BATF: variants seen among roughly 807,000 people sequenced by gnomAD.
BATF encodes basic leucine zipper ATF-like transcription factor, also known as basic leucine zipper transcriptional factor ATF-like.
In BATF, 5 loss-of-function variants were observed where a neutral mutation model predicts 13.7. That is an observed-to-expected ratio of 0.36 (90% CI 0.19 to 0.77). BATF has a LOEUF of 0.77. BATF is among the 30% of genes least tolerant of loss of function. The pLI is 0.51. For missense variants in BATF, 124 were observed against 163.0 expected (o/e 0.76, Z 1.30); for synonymous variants, 72 against 67.5 (o/e 1.07, Z -0.33).
At chr14:75,522,817 G>T in intron 1 of BATF, 72 bp downstream of exon 1, 1 of 1,588,110 alleles carries the variant, frequency 6.3e-7, no homozygotes, top group South Asian at 1.1e-5. Flanking sequence ...AGGCTTCCTT[G>T]TCCTGCCCAG....
chr14:75,526,132 GT>G (rs1389875608), intron 2 of BATF, among the ~76,000 whole-genome samples: 1 of 152,228 alleles, frequency 6.6e-6, no homozygotes, highest in Non-Finnish European at 1.5e-5. Context: ...CTGAACTGCA[GT>G]TCCGCCAGTG....
intron 2 of BATF, among the ~76,000 whole-genome samples, chr14:75,536,983 C>T (rs1055099952): frequency 6.6e-6 from 1 of 152,082 alleles, no homozygotes; most frequent in Non-Finnish European, 1.5e-5. Flanking sequence ...TTAATGCAGA[C>T]AGCCTGCCCT....
At chr14:75,524,456 T>C (rs1416764097) in intron 1 of BATF, among the ~76,000 whole-genome samples, 2 of 151,662 alleles carry the variant, frequency 1.3e-5, no homozygotes, top group African/African-American at 4.8e-5. Context: ...GGGTGCAGAG[T>C]AGCTAGCGGG....
At chr14:75,543,918 G>A (rs1887942558) in intron 2 of BATF, among the ~76,000 whole-genome samples, 1 of 151,984 alleles carries the variant, frequency 6.6e-6, no homozygotes, top group African/African-American at 2.4e-5. Flanking sequence ...ATAGGTGTGA[G>A]CCACTGCACC....
At chr14:75,532,062 A>G (rs1047138774) in intron 2 of BATF, among the ~76,000 whole-genome samples, 10 of 152,230 alleles carry the variant, frequency 6.6e-5, no homozygotes, top group Non-Finnish European at 1.3e-4. Flanking sequence ...CTGTGCCTCA[A>G]GTGCTCTCCC....
chr14:75,533,110 G>T (rs1318393978), intron 2 of BATF, among the ~76,000 whole-genome samples: 1 of 152,096 alleles, frequency 6.6e-6, no homozygotes, highest in Non-Finnish European at 1.5e-5. Flanking sequence ...GGGTCGGCAT[G>T]GCTAAGTTTG....
chr14:75,523,739 T>G (rs1220081952), intron 1 of BATF, among the ~76,000 whole-genome samples: 1 of 152,190 alleles, frequency 6.6e-6, no homozygotes, highest in Non-Finnish European at 1.5e-5. Context: ...GTTTTCAAAA[T>G]GCTGCAGCCA....
intron 2 of BATF, among the ~76,000 whole-genome samples, chr14:75,539,214 T>C (rs2300603): frequency 0.2 from 31,153 of 152,148 alleles, 3,657 homozygotes; most frequent in East Asian, 0.29. Flanking sequence ...GCTTTCATTC[T>C]CTAGGCTGTG....
At chr14:75,544,410 C>T (rs1887950001) in intron 2 of BATF, among the ~76,000 whole-genome samples, 1 of 151,618 alleles carries the variant, frequency 6.6e-6, no homozygotes, top group African/African-American at 2.4e-5. Context: ...ACTAAAAATA[C>T]AAAAACTAGC....
chr14:75,528,623 C>A (rs1410026697), intron 2 of BATF, among the ~76,000 whole-genome samples: 1 of 152,226 alleles, frequency 6.6e-6, no homozygotes, highest in Non-Finnish European at 1.5e-5. Flanking sequence ...AAGCACCCTG[C>A]ACACTTAGTT....
At chr14:75,525,623 C>T (rs908465588) in intron 2 of BATF, among the ~76,000 whole-genome samples, 3 of 139,692 alleles carry the variant, frequency 2.1e-5, no homozygotes, top group Non-Finnish European at 4.5e-5. Context: ...CGCGCCATTG[C>T]ATTCAAACCT....
intron 2 of BATF, among the ~76,000 whole-genome samples, chr14:75,532,890 C>T (rs970108034): frequency 2.0e-5 from 3 of 152,082 alleles, no homozygotes; most frequent in Non-Finnish European, 4.4e-5. Flanking sequence ...AAGAGATATC[C>T]GGAAGGATAT....
intron 2 of BATF, among the ~76,000 whole-genome samples, chr14:75,543,673 A>G (rs1443426004): frequency 6.6e-6 from 1 of 151,948 alleles, no homozygotes; most frequent in Non-Finnish European, 1.5e-5. Flanking sequence ...GGTGCTCCAT[A>G]GCTAATTTTC....
chr14:75,544,574 A>AGG (rs1887953613), intron 2 of BATF, among the ~76,000 whole-genome samples: 1 of 151,564 alleles, frequency 6.6e-6, no homozygotes. Context: ...AAAAAAAAAA[A>AGG]AAAAAAAAAA....
chr14:75,545,488 G>A (rs972180814), intron 2 of BATF, among the ~76,000 whole-genome samples: 5 of 144,134 alleles, frequency 3.5e-5, no homozygotes, highest in African/African-American at 1.0e-4. Flanking sequence ...ACCCACCTCC[G>A]CCTCCCAAAA....
At chr14:75,538,850 G>A (rs548119776) in intron 2 of BATF, among the ~76,000 whole-genome samples, 119 of 152,316 alleles carry the variant, frequency 7.8e-4, no homozygotes, top group African/African-American at 2.6e-3. Flanking sequence ...GCAATGAGCC[G>A]AGATCGTGCC....
chr14:75,543,849 C>T (rs72723626), intron 2 of BATF, among the ~76,000 whole-genome samples: 1 of 151,388 alleles, frequency 6.6e-6, no homozygotes, highest in Non-Finnish European at 1.5e-5. Context: ...ACCCAAAAAA[C>T]CAAAAAACTG....
intron 2 of BATF, among the ~76,000 whole-genome samples, chr14:75,529,271 A>G (rs1175054853): frequency 6.6e-6 from 1 of 152,264 alleles, no homozygotes; most frequent in Non-Finnish European, 1.5e-5. Context: ...TAGAATATGG[A>G]AACAGACCCA....
Position 75,546,796 on chromosome 14 carries a change from C to A in BATF, c.*125C>A. Reference sequence around the variant, plus strand: ...GACAGAGGCCTGGACAAGGAGTGAACACGGGAACTGTCACGACTGGAAGGG... The same window carrying A: ...GACAGAGGCCTGGACAAGGAGTGAAAACGGGAACTGTCACGACTGGAAGGG... On this transcript the variant is annotated 3_prime_UTR_variant, in exon 3 of 3. Coordinates refer to ENST00000286639, the MANE Select transcript of BATF (RefSeq NM_006399.5). 1.6e-6 allele frequency: 2 copies of A among 1,273,964 alleles called. No homozygotes were observed. The highest frequency in any genetic ancestry group is 2.2e-6 in the Non-Finnish European group (2 of 919,494). 78.9% of individuals were successfully genotyped at this position (1,273,964 alleles called of 1,614,324 possible).
Sources: allele counts gnomAD v4.1 joint callset (sites outside exome capture counted in the v4.1 genomes callset), GRCh38; gene constraint gnomAD v4.1.1; transcripts MANE v1.5; gene names NCBI Gene and HGNC (gene_info 2026-07-23, HGNC 2026-07-21).